The following PEMT variants were observed in gnomAD, a reference collection of about 807,000 sequenced individuals.
PEMT encodes phospholipid methyltransferase.
PEMT carries 23 observed loss-of-function variants against 27.4 expected under a neutral mutation model. The ratio of observed to expected loss-of-function variants is 0.84; its 90% CI spans 0.60 to 1.19. The LOEUF (loss-of-function observed/expected upper bound fraction) is 1.19. PEMT is among the 50% of genes most tolerant of loss of function. The pLI, the probability that PEMT is intolerant of heterozygous loss-of-function variation, is 0.00. For missense variants in PEMT, 307 were observed against 310.1 expected (o/e 0.99, Z 0.07); for synonymous variants, 137 against 139.1 (o/e 0.98, Z 0.11).
rs1318985275 is a variant in PEMT, at chr17:17,576,875, G to T, written c.204+45C>A. The T allele has an allele frequency of 2.7e-6, 4 of 1,475,126 alleles. No homozygotes were observed. In the South Asian group the frequency reaches 3.4e-5, roughly 13 times the overall value. 91.4% of individuals were successfully genotyped at this position (1,475,126 alleles called of 1,614,324 possible). ...ATCCCCTGCATGTGGGGCTCACCAA[G>T]CAGTGAGATACTCCCGTCTGGACAG... On this transcript the variant is annotated intron_variant, in intron 2 of 6. Coordinates refer to ENST00000255389, the MANE Select transcript of PEMT (RefSeq NM_148172.3).
chr17:17,546,735 C>T (rs1280981038), intron 2 of PEMT, among the ~76,000 whole-genome samples: 1 of 152,224 alleles, frequency 6.6e-6, no homozygotes, highest in Non-Finnish European at 1.5e-5. Context: ...CAAGGTGGGG[C>T]ATTAGTAGCC....
intron 1 of PEMT, among the ~76,000 whole-genome samples, chr17:17,585,769 T>C (rs1912208809): frequency 1.3e-5 from 2 of 152,084 alleles, no homozygotes; most frequent in South Asian, 4.2e-4. Flanking sequence ...TCAGTACTTT[T>C]GAATGGAAAC....
intron 1 of PEMT, among the ~76,000 whole-genome samples, chr17:17,585,559 TACCTGCC>T (rs1468097991): frequency 6.6e-6 from 1 of 152,164 alleles, no homozygotes; most frequent in African/African-American, 2.4e-5. Context: ...TTATCCCTAA[TACCTGCC>T]ACCCCGCTCT....
At chr17:17,577,557 C>A (rs182783223) in intron 1 of PEMT, 2 of 989,064 alleles carry the variant, frequency 2.0e-6, no homozygotes, top group African/African-American at 3.5e-5. Context: ...CCGGCCACGC[C>A]ACCCGCATAC....
chr17:17,570,428 G>A (rs529350822), intron 2 of PEMT: 11 of 776,746 alleles, frequency 1.4e-5, no homozygotes, highest in Non-Finnish European at 1.7e-5. Context: ...TGGGCTTGGG[G>A]TACTACTGAC....
At chr17:17,560,115 T>G (rs57531156) in intron 2 of PEMT, among the ~76,000 whole-genome samples, 2,418 of 152,310 alleles carry the variant, frequency 0.016, 72 homozygotes, top group African/African-American at 0.055. Flanking sequence ...CAGCACCCCA[T>G]GTGCTGTACA....
chr17:17,527,739 C>T (rs1054441742), intron 2 of PEMT, among the ~76,000 whole-genome samples: 1 of 152,210 alleles, frequency 6.6e-6, no homozygotes, highest in Non-Finnish European at 1.5e-5. Flanking sequence ...GCCTGACAGG[C>T]CCCGGCAAAG....
intron 1 of PEMT, among the ~76,000 whole-genome samples, chr17:17,590,930 T>A (rs1328366065): frequency 6.6e-6 from 1 of 152,042 alleles, no homozygotes; most frequent in African/African-American, 2.4e-5. Flanking sequence ...CTGGGGCCGG[T>A]CGCACCCATT....
At chr17:17,591,455 C>T in intron 1 of PEMT, 76 bp downstream of exon 1, 3 of 1,227,374 alleles carry the variant, frequency 2.4e-6, no homozygotes, top group Admixed American at 2.3e-5. Flanking sequence ...GCGTTTGAGG[C>T]GCCGCAAGCC....
chr17:17,590,040 GC>G (rs149856156), intron 1 of PEMT, among the ~76,000 whole-genome samples: 1 of 139,340 alleles, frequency 7.2e-6, no homozygotes, highest in Non-Finnish European at 1.6e-5. Flanking sequence ...CTTGCATTCT[GC>G]CCCCCCTTCT....
chr17:17,531,270 G>GT, intron 2 of PEMT, among the ~76,000 whole-genome samples: 2 of 152,176 alleles, frequency 1.3e-5, no homozygotes, highest in South Asian at 4.1e-4. Context: ...ACACTTGAAG[G>GT]GTCCCCAGCT....
intron 2 of PEMT, chr17:17,571,006 G>T: frequency 2.9e-6 from 2 of 678,032 alleles, no homozygotes; most frequent in Non-Finnish European, 1.8e-6. Context: ...GGGCCACAGT[G>T]CCTGGACCCA....
At chr17:17,521,994 C>A (rs942141597) in intron 3 of PEMT, among the ~76,000 whole-genome samples, 4 of 152,230 alleles carry the variant, frequency 2.6e-5, no homozygotes, top group African/African-American at 9.6e-5. Context: ...CTAAAACAGC[C>A]TTGGCTACGT....
intron 3 of PEMT, among the ~76,000 whole-genome samples, chr17:17,519,305 G>A (rs531636528): frequency 1.3e-5 from 2 of 152,322 alleles, no homozygotes; most frequent in Admixed American, 1.3e-4. Flanking sequence ...CAAAAGGTGA[G>A]AGGAGAAAAG....
At chr17:17,557,874 T>C (rs1332122786) in intron 2 of PEMT, among the ~76,000 whole-genome samples, 1 of 151,774 alleles carries the variant, frequency 6.6e-6, no homozygotes, top group South Asian at 2.1e-4. Flanking sequence ...CTCCCCAGGG[T>C]TTACTAGGAG....
intron 2 of PEMT, among the ~76,000 whole-genome samples, chr17:17,546,518 C>A (rs1326751462): frequency 2.0e-5 from 3 of 152,252 alleles, no homozygotes; most frequent in Non-Finnish European, 4.4e-5. Flanking sequence ...TTGTTTCTGA[C>A]ATTTGCTAAT....
At chr17:17,552,925 C>T (rs1347455895) in intron 2 of PEMT, among the ~76,000 whole-genome samples, 3 of 152,342 alleles carry the variant, frequency 2.0e-5, no homozygotes, top group African/African-American at 7.2e-5. Context: ...TTCCCCCAGG[C>T]CAGGAGCCTT....
rs1424712359 is a variant in PEMT at position 17,523,652 on chromosome 17, CTG to C, written c.205-1259_205-1258del. On this transcript the variant is annotated intron_variant, in intron 2 of 6. Transcript: ENST00000255389. The surrounding 1 kb of genome is among the most constrained non-coding windows in gnomAD (Gnocchi z 4.8). ...TCTCAGCAGGTGGCCGCTGCTGACT[CTG>C]TGGGAAGCTCAAAAGGCGGAAGGAA... Among the ~76,000 whole-genome samples the C allele has an allele frequency of 6.6e-6, 1 of 151,994 alleles. No homozygotes were observed. The highest frequency in any genetic ancestry group is 2.4e-5 in the African/African-American group (1 of 41,348).
At chr17:17,549,048 C>T (rs1239210054) in intron 2 of PEMT, among the ~76,000 whole-genome samples, 1 of 152,132 alleles carries the variant, frequency 6.6e-6, no homozygotes, top group Non-Finnish European at 1.5e-5. Context: ...ACAAGGTAAC[C>T]CAGATTGGAG....
Sources: allele counts gnomAD v4.1 joint callset (sites outside exome capture counted in the v4.1 genomes callset), GRCh38; gene constraint gnomAD v4.1.1; non-coding constraint Gnocchi (gnomAD v3.1); transcripts MANE v1.5; gene names NCBI Gene and HGNC (gene_info 2026-07-23, HGNC 2026-07-21).